The following TSPOAP1 variants were observed in gnomAD, a reference collection of about 807,000 sequenced individuals.
TSPOAP1 encodes the protein peripheral-type benzodiazepine receptor-associated protein 1.
TSPOAP1 carries 87 observed loss-of-function variants against 197.0 expected under a neutral mutation model. That is an observed-to-expected ratio of 0.44 (90% CI 0.37 to 0.53). The LOEUF (loss-of-function observed/expected upper bound fraction) is 0.53, where lower values mean the gene tolerates loss of function less well. Among genes scored for constraint, TSPOAP1 ranks in the 20% least tolerant of loss-of-function variants. TSPOAP1 has a pLI of 0.00. For missense variants in TSPOAP1, 2,174 were observed against 2,411.3 expected (o/e 0.90, Z 2.06); for synonymous variants, 913 against 998.9 (o/e 0.91, Z 1.62).
chr17:58,311,221 G>A lies in TSPOAP1; in HGVS notation c.3082-8C>T. ...TGAGGCCACCTCCATGATCTGCAGG[G>A]TGGAGGGGGCACAGGATGGGAAGCA... is the stretch of plus-strand genomic sequence containing the variant. On this transcript the variant is annotated splice_polypyrimidine_tract_variant and splice_region_variant and intron_variant, in intron 18 of 31. Coordinates refer to ENST00000343736, the MANE Select transcript of TSPOAP1 (RefSeq NM_004758.4). 2 of 1,610,080 alleles carry A rather than the reference G, an allele frequency of 1.2e-6. No homozygotes were observed. The highest frequency in any genetic ancestry group is 2.2e-5 in the East Asian group (1 of 44,846).
Position 58,307,624 on chromosome 17 carries a change from C to A in TSPOAP1, c.4970G>T (p.Gly1657Val). The change falls in exon 24 of 32, where the codon GGT becomes GTT. Residue 1657 changes from glycine to valine, a missense_variant. Around this residue, in one of 5 missense-constraint regions of TSPOAP1, gnomAD observed 16 missense variants for 38.8 expected, o/e 0.41. Coordinates refer to ENST00000343736, the MANE Select transcript of TSPOAP1 (RefSeq NM_004758.4). Reference protein sequence around the residue: ...AGEEELPFREGQILKVFGDKD... With the variant: ...AGEEELPFREVQILKVFGDKD... ...CGAATCAGTCACCTTCAGGATCTGA[C>A]CCTCTCGGAAGGGAAGCTCTTCTTC... is the stretch of plus-strand genomic sequence containing the variant. The A allele has an allele frequency of 6.2e-7, 1 of 1,613,894 alleles. No homozygotes were observed. The highest frequency in any genetic ancestry group is 8.5e-7 in the Non-Finnish European group (1 of 1,179,996).
intron 18 of TSPOAP1, 93 bp from the exon 19 acceptor site, chr17:58,311,306 G>C: frequency 6.6e-7 from 1 of 1,517,066 alleles, no homozygotes; most frequent in East Asian, 2.4e-5. Flanking sequence ...ACTGACAGCA[G>C]TGGCAGCTAG....
chr17:58,327,502 A>C (rs1010149647), intron 1 of TSPOAP1, 86 bp downstream of exon 1: 8 of 1,408,334 alleles, frequency 5.7e-6, no homozygotes, highest in African/African-American at 1.4e-5. Flanking sequence ...TTGGGGATGC[A>C]TACCTCGCCT....
rs1307678760 is a variant in TSPOAP1 at position 58,322,818 on chromosome 17, T to C, written c.1195-42A>G. 6.2e-7 allele frequency: 1 copy of C among 1,609,910 alleles called. No individual in the cohort carries two copies. Among genetic ancestry groups the C allele is most frequent in the African/African-American group, 1.3e-5 (1 of 74,828 alleles). On this transcript the variant is annotated intron_variant, in intron 8 of 31. Coordinates refer to ENST00000343736, the MANE Select transcript of TSPOAP1 (RefSeq NM_004758.4). This position sits in a 1 kb window ranked among gnomAD's most constrained non-coding sequence, Gnocchi z 5.0. Reference sequence around the variant, plus strand: ...GACAGGGAGTTGGGTGGGTGAGCCTTGACCCACCAGCACCCTCACAGGGGG... The same window carrying C: ...GACAGGGAGTTGGGTGGGTGAGCCTCGACCCACCAGCACCCTCACAGGGGG...
Position 58,302,246 on chromosome 17 carries a change from G to A in TSPOAP1, c.*234C>T, listed in dbSNP as rs1970739031. 1 of 1,289,016 alleles carries A rather than the reference G, an allele frequency of 7.8e-7. No homozygotes were observed. The highest frequency in any genetic ancestry group is 1.5e-5 in the African/African-American group (1 of 65,816). The allele number at this position is 1,289,016 out of a possible 1,614,324, so 79.8% of individuals were successfully genotyped here. ...CTGGGGGCCTCTCAGGGCCTCTTCT[G>A]CCTGCAGGATGGGCCACAGCTTCAC... On this transcript the variant is annotated 3_prime_UTR_variant, in exon 32 of 32. Transcript: ENST00000343736.
Position 58,308,572 on chromosome 17 carries a change from G to A in TSPOAP1, c.4700C>T (p.Ala1567Val), listed in dbSNP as rs143530655. The stretch of plus-strand genomic sequence containing the variant: ...GAGTGGCTCCTTGGCTCTGCCCGTC[G>A]CACTGCGGCCTCTCCGCTCTGGTTC... ...KGEPERRGRSATGRAKEPLSR... is the reference protein window; with the variant it reads ...KGEPERRGRSVTGRAKEPLSR... Residue 1567 changes from alanine to valine, a missense_variant, in exon 22 of 32, where the codon GCG becomes GTG. By Grantham distance (64) the Ala-to-Val change is moderately conservative. This residue lies in a region of TSPOAP1 where 1,933 missense variants were observed against 2,139.0 expected (regional missense o/e 0.90). Transcript: ENST00000343736. 2.1e-5 allele frequency: 32 copies of A among 1,555,324 alleles called. No individual in the cohort carries two copies. In the South Asian group the frequency reaches 2.4e-4, roughly 12 times the overall value.
chr17:58,319,863 G>T (rs1464890430), intron 12 of TSPOAP1, among the ~76,000 whole-genome samples: 1 of 152,260 alleles, frequency 6.6e-6, no homozygotes, highest in Non-Finnish European at 1.5e-5. Context: ...GACTGGTGAT[G>T]AACTTCCTCA....
rs1395653912 is a variant in TSPOAP1, at chr17:58,304,556, C to G, written c.5545-157G>C. On this transcript the variant is annotated intron_variant, in intron 30 of 31. Coordinates refer to ENST00000343736, the MANE Select transcript of TSPOAP1 (RefSeq NM_004758.4). The surrounding 1 kb of genome is among the most constrained non-coding windows in gnomAD (Gnocchi z 4.2). ...GAGTTTTCTGGCTGGGGCTTGGCCT[C>G]TTCACCCTCTCTCCCTGCCCTCTGA... is the stretch of plus-strand genomic sequence containing the variant. The G allele has an allele frequency of 1.5e-6, 1 of 654,948 alleles. No homozygotes were observed. Among genetic ancestry groups the G allele is most frequent in the Non-Finnish European group, 2.8e-6 (1 of 357,124 alleles). 40.6% of individuals were successfully genotyped at this position (654,948 alleles called of 1,614,324 possible). A position where few individuals can be genotyped will look rare whatever the true frequency, so the allele number is the denominator to read the frequency against.
chr17:58,305,093 T>C lies in TSPOAP1; in HGVS notation c.5512A>G (p.Arg1838Gly). 5.0e-6 allele frequency: 8 copies of C among 1,613,986 alleles called. No individual in the cohort carries two copies. The highest frequency in any genetic ancestry group is 6.8e-6 in the Non-Finnish European group (8 of 1,179,940). ...TCAGCCTGGGGTGTCCTGGGTTCCC[T>C]GTCCAGGCCGCCTGCCTCAGGCCCA... The part of the protein sequence containing the change: ...GPGPEAGGLD[R>G]EPRTPQAESQ... Residue 1838 changes from arginine (R) to glycine (G), a missense_variant, in exon 30 of 32, where the codon AGG becomes GGG. This residue lies in a region of TSPOAP1 where 60 missense variants were observed against 56.2 expected (regional missense o/e 1.07). Coordinates refer to ENST00000343736, the MANE Select transcript of TSPOAP1 (RefSeq NM_004758.4).
At chr17:58,320,439 C>T in intron 11 of TSPOAP1, 92 bp downstream of exon 11, 1 of 1,373,204 alleles carries the variant, frequency 7.3e-7, no homozygotes, top group Non-Finnish European at 9.7e-7. Flanking sequence ...CAACCCCTCT[C>T]CCCACCGCCA....
chr17:58,308,254 G>A (rs1970969387), intron 22 of TSPOAP1, among the ~76,000 whole-genome samples: 1 of 152,246 alleles, frequency 6.6e-6, no homozygotes, highest in Non-Finnish European at 1.5e-5. Flanking sequence ...TGGCATCACA[G>A]TCAGCGTCCT....
chr17:58,312,502 C>T lies in TSPOAP1; in HGVS notation c.2319G>A (p.Gly773=). The change falls in exon 17 of 32, where the codon GGG becomes GGA. Residue 773 remains glycine (G), a synonymous_variant. Transcript: ENST00000343736. ...SQPRPEEEDA[G]DELSLSPSPE... ...GTGATGGGCTCAGACTGAGCTCGTC[C>T]CCTGCATCCTCCTCCTCAGGTCTGG... The T allele has an allele frequency of 6.2e-7, 1 of 1,601,684 alleles. No homozygotes were observed. Among genetic ancestry groups the T allele is most frequent in the South Asian group, 1.1e-5 (1 of 88,802 alleles).
chr17:58,310,805 G>T (rs371664877), intron 19 of TSPOAP1, 31 bp downstream of exon 19: 15 of 1,584,536 alleles, frequency 9.5e-6, no homozygotes, highest in Non-Finnish European at 1.3e-5. Context: ...CTGCCAGCCT[G>T]CACCTGCTCC....
chr17:58,311,779 C>G, intron 17 of TSPOAP1, 57 bp from the exon 18 acceptor site: 6 of 1,511,230 alleles, frequency 4.0e-6, no homozygotes, highest in Non-Finnish European at 5.3e-6. Context: ...TCAGAGATAC[C>G]TGCCCAATTT....
Position 58,326,562 on chromosome 17 carries a change from C to T in TSPOAP1, c.441+121G>A, listed in dbSNP as rs79016370. 4,317 of 1,535,862 alleles carry T rather than the reference C, an allele frequency of 2.8e-3. 12 individuals carry two copies. Among genetic ancestry groups the T allele is most frequent in the Middle Eastern group, 3.5e-3 (20 of 5,664 alleles). ...AGGCAGGGGTTCACCCTCTCTGGGT[C>T]TCAGGATTTTGTCACCTCCATTGAG... is the stretch of plus-strand genomic sequence containing the variant. On this transcript the variant is annotated intron_variant, in intron 2 of 31. Coordinates refer to ENST00000343736, the MANE Select transcript of TSPOAP1 (RefSeq NM_004758.4). The surrounding 1 kb of genome is among the most constrained non-coding windows in gnomAD (Gnocchi z 4.7).
rs551924693 is a variant in TSPOAP1, at chr17:58,320,010, C to T, written c.1494+99G>A. 1.5e-5 allele frequency: 23 copies of T among 1,491,702 alleles called. No individual in the cohort carries two copies. In the African/African-American group the frequency reaches 2.6e-4, roughly 17 times the overall value. The allele number at this position is 1,491,702 out of a possible 1,614,324, so 92.4% of individuals were successfully genotyped here. ...TCATGCCTGCTCCCAGTGACACCCC[C>T]TCTGCTGGATGAGAGAGGGGGACTG... On this transcript the variant is annotated intron_variant, in intron 12 of 31. Coordinates refer to ENST00000343736, the MANE Select transcript of TSPOAP1 (RefSeq NM_004758.4).
Position 58,304,901 on chromosome 17 carries a change from G to A in TSPOAP1, c.5544+160C>T, listed in dbSNP as rs775454561. The A allele has an allele frequency of 4.2e-6, 3 of 707,226 alleles. No individual in the cohort carries two copies. Among genetic ancestry groups the A allele is most frequent in the Non-Finnish European group, 7.8e-6 (3 of 386,490 alleles). 43.8% of individuals were successfully genotyped at this position (707,226 alleles called of 1,614,324 possible). On this transcript the variant is annotated intron_variant, in intron 30 of 31. Coordinates refer to ENST00000343736, the MANE Select transcript of TSPOAP1 (RefSeq NM_004758.4). The surrounding 1 kb of genome is among the most constrained non-coding windows in gnomAD (Gnocchi z 4.2). ...CATACTGGGGGGCAGCTGCTTGGTG[G>A]GGCTCCCCTCTGGTGGTCAATTAGC...
intron 24 of TSPOAP1, 78 bp downstream of exon 24, chr17:58,307,533 C>A: frequency 3.9e-6 from 6 of 1,531,548 alleles, no homozygotes; most frequent in East Asian, 2.4e-5. Context: ...TCTGTGCTAC[C>A]TCCAGTGGAG....
Position 58,304,520 on chromosome 17 carries a change from A to G in TSPOAP1, c.5545-121T>C. 1 of 783,786 alleles carries G rather than the reference A, an allele frequency of 1.3e-6. No homozygotes were observed. The highest frequency in any genetic ancestry group is 2.2e-6 in the Non-Finnish European group (1 of 444,456). The allele number at this position is 783,786 out of a possible 1,614,324, so 48.6% of individuals were successfully genotyped here. A position where few individuals can be genotyped will look rare whatever the true frequency, so the allele number is the denominator to read the frequency against. On this transcript the variant is annotated intron_variant, in intron 30 of 31. Transcript: ENST00000343736. This position sits in a 1 kb window ranked among gnomAD's most constrained non-coding sequence, Gnocchi z 4.2. The stretch of plus-strand genomic sequence containing the variant: ...CTCTCCAAGGCCTTTGTGTTCACAC[A>G]TGGAAGCCCTGAGTTTTCTGGCTGG...
Sources: allele counts gnomAD v4.1 joint callset (sites outside exome capture counted in the v4.1 genomes callset), GRCh38; gene constraint gnomAD v4.1.1; regional missense constraint gnomAD v4.1.1; non-coding constraint Gnocchi (gnomAD v3.1); transcripts MANE v1.5; gene names NCBI Gene and HGNC (gene_info 2026-07-23, HGNC 2026-07-21).